Variants in PMM2 observed in about 807,000 individuals in gnomAD.
The protein encoded by PMM2 is phosphomannomutase 2, also known as mannose-6-phosphate isomerase.
In PMM2, 35 loss-of-function variants were observed where a neutral mutation model predicts 33.2. That is an observed-to-expected ratio of 1.06 (90% CI 0.81 to 1.40). The LOEUF is 1.40. Ranked by LOEUF, PMM2 falls within the 40% of genes most tolerant of loss-of-function variation. PMM2 has a pLI of 0.00. For synonymous variants in PMM2, 153 were observed against 114.7 expected, an observed-to-expected ratio of 1.33 and a Z score of -2.13; for missense variants, 386 against 306.0, an observed-to-expected ratio of 1.26 and a Z score of -1.95.
intron 7 of PMM2, among the ~76,000 whole-genome samples, chr16:8,846,408 T>C (rs139318401): frequency 6.6e-6 from 1 of 152,192 alleles, no homozygotes; most frequent in Non-Finnish European, 1.5e-5. Flanking sequence ...TTTAAGGTTT[T>C]GAGTTAGAGT....
intron 7 of PMM2, chr16:8,847,506 TC>T (rs1304546956): frequency 5.3e-6 from 3 of 569,968 alleles, no homozygotes; most frequent in African/African-American, 1.9e-5. Flanking sequence ...AATTACGTGT[TC>T]CAAGCCAAAT....
intron 7 of PMM2, among the ~76,000 whole-genome samples, chr16:8,838,744 G>C (rs1468510411): frequency 6.6e-6 from 1 of 152,008 alleles, no homozygotes; most frequent in African/African-American, 2.4e-5. Context: ...GAATTGGGAG[G>C]ACCTAGGACA....
At chr16:8,821,287 G>A (rs1465498284) in intron 7 of PMM2, among the ~76,000 whole-genome samples, 1 of 152,154 alleles carries the variant, frequency 6.6e-6, no homozygotes, top group Non-Finnish European at 1.5e-5. Flanking sequence ...TGTCCCACCC[G>A]CTCCTGTGTG....
chr16:8,799,447 G>T (rs946720709), intron 1 of PMM2, among the ~76,000 whole-genome samples: 2 of 152,142 alleles, frequency 1.3e-5, no homozygotes, highest in African/African-American at 4.8e-5. Context: ...ATTGGTTCCT[G>T]TCAAGTTTGC....
Position 8,820,846 on chromosome 16 carries a change from A to G in PMM2, c.639+7740A>G, listed in dbSNP as rs2060734969. Reference sequence around the variant, plus strand: ...TCTGTTATTGAGATTTTCCTAAGAGATTGGAGCCTGCCAAGTCCCTCAGTG... The same window carrying G: ...TCTGTTATTGAGATTTTCCTAAGAGGTTGGAGCCTGCCAAGTCCCTCAGTG... On this transcript the variant is annotated intron_variant, in intron 7 of 7. Coordinates refer to ENST00000268261, the MANE Select transcript of PMM2 (RefSeq NM_000303.3). Among the ~76,000 whole-genome samples, 5 of 152,250 alleles carry G rather than the reference A, an allele frequency of 3.3e-5. No homozygotes were observed. In the South Asian group the frequency reaches 1.0e-3, roughly 32 times the overall value.
chr16:8,847,868 T>C lies in PMM2; in HGVS notation c.*43T>C, dbSNP rs1427838160. On this transcript the variant is annotated 3_prime_UTR_variant, in exon 8 of 8. Coordinates refer to ENST00000268261, the MANE Select transcript of PMM2 (RefSeq NM_000303.3). ...CGGGGTCCCGGCTGACAAGCCAGCA[T>C]AGGGCATTCGGTGGCCAGAGCCGAG... The C allele has an allele frequency of 3.4e-6, 5 of 1,477,946 alleles. No homozygotes were observed. The highest frequency in any genetic ancestry group is 2.3e-5 in the South Asian group (2 of 88,322). 91.6% of individuals were successfully genotyped at this position (1,477,946 alleles called of 1,614,324 possible). A position where few individuals can be genotyped will look rare whatever the true frequency, so the allele number is the denominator to read the frequency against.
Position 8,805,022 on chromosome 16 carries a change from T to G in PMM2, c.255+179T>G, listed in dbSNP as rs138904095. Reference sequence around the variant, plus strand: ...CATATTCTACATTGATAACTAAATTTTTATACTTTTTAAATCTAATATTTC... The same window carrying G: ...CATATTCTACATTGATAACTAAATTGTTATACTTTTTAAATCTAATATTTC... On this transcript the variant is annotated intron_variant, in intron 3 of 7. Coordinates refer to ENST00000268261, the MANE Select transcript of PMM2 (RefSeq NM_000303.3). Among the ~76,000 whole-genome samples, 912 of 152,330 alleles carry G rather than the reference T, an allele frequency of 6.0e-3. 5 individuals are homozygous for G. Among genetic ancestry groups the G allele is most frequent in the Middle Eastern group, 0.017 (5 of 294 alleles).
intron 7 of PMM2, among the ~76,000 whole-genome samples, chr16:8,845,795 C>CTTTTTTTTTTTTT (rs5815503): frequency 7.1e-6 from 1 of 140,020 alleles, no homozygotes. Context: ...TGAAAGAAAT[C>CTTTTTTTTTTTTT]TTTTTTTTTT....
At chr16:8,843,851 C>G (rs1428431898) in intron 7 of PMM2, among the ~76,000 whole-genome samples, 2 of 150,224 alleles carry the variant, frequency 1.3e-5, no homozygotes, top group African/African-American at 4.9e-5. Context: ...GAATTGGAAC[C>G]TAGCTCGGCC....
At chr16:8,802,310 G>A (rs768459929) in intron 2 of PMM2, 13 of 455,632 alleles carry the variant, frequency 2.9e-5, no homozygotes, top group Middle Eastern at 3.2e-4. Context: ...ACAGGACCCC[G>A]AAAAACCAGA....
intron 6 of PMM2, 28 bp from the exon 7 acceptor site, chr16:8,812,963 C>A (rs908098821): frequency 5.3e-6 from 7 of 1,314,600 alleles, no homozygotes; most frequent in Admixed American, 5.0e-5. Flanking sequence ...CACCTTTTGC[C>A]TTTGTGTGCC....
At chr16:8,821,958 A>G (rs2060741702) in intron 7 of PMM2, among the ~76,000 whole-genome samples, 1 of 152,222 alleles carries the variant, frequency 6.6e-6, no homozygotes, top group Non-Finnish European at 1.5e-5. Flanking sequence ...TAACTGCCCA[A>G]CAGGTTCTCC....
At chr16:8,832,965 C>CCCTGACCACACCACAGGCT in intron 7 of PMM2, 1 of 963,684 alleles carries the variant, frequency 1.0e-6, no homozygotes, top group Non-Finnish European at 1.2e-6. Flanking sequence ...TGACTGGTCT[C>CCCTGACCACACCACAGGCT]CCCAGGGCAG....
At chr16:8,842,741 T>C (rs1430902627) in intron 7 of PMM2, among the ~76,000 whole-genome samples, 1 of 152,066 alleles carries the variant, frequency 6.6e-6, no homozygotes, top group African/African-American at 2.4e-5. Flanking sequence ...AATGGGGGGA[T>C]TATAAGAAGA....
intron 7 of PMM2, among the ~76,000 whole-genome samples, chr16:8,815,051 C>T (rs2060699275): frequency 6.6e-6 from 1 of 152,070 alleles, no homozygotes; most frequent in African/African-American, 2.4e-5. Context: ...GACTTTAGCA[C>T]CTTTAGATAT....
chr16:8,826,188 C>A (rs2060766908), intron 7 of PMM2, among the ~76,000 whole-genome samples: 1 of 151,606 alleles, frequency 6.6e-6, no homozygotes, highest in Non-Finnish European at 1.5e-5. Flanking sequence ...GAGTTGTTCA[C>A]AAAGTTAATT....
chr16:8,798,211 T>C (rs1414858453), intron 1 of PMM2, among the ~76,000 whole-genome samples: 1 of 152,176 alleles, frequency 6.6e-6, no homozygotes, highest in Middle Eastern at 3.2e-3. Flanking sequence ...GAAAATGTAA[T>C]CTGGACTCAC....
intron 4 of PMM2, chr16:8,808,455 A>C (rs932222383): frequency 3.9e-5 from 6 of 152,126 alleles, no homozygotes; most frequent in African/African-American, 1.4e-4. Flanking sequence ...TAATTCCAGA[A>C]CAGTAGAAGA....
Position 8,836,618 on chromosome 16 carries a change from A to G in PMM2, c.640-11106A>G, listed in dbSNP as rs376757321. 2.1e-4 allele frequency among the ~76,000 whole-genome samples: 32 copies of G among 152,106 alleles called. No homozygotes were observed. In the East Asian group the frequency reaches 5.8e-3, roughly 28 times the overall value. ...TTGCCACTTTTTTCTATTACTGTCC[A>G]CCTTGAAGGTGAGGTTAGTTAAGTC... On this transcript the variant is annotated intron_variant, in intron 7 of 7. Coordinates refer to ENST00000268261, the MANE Select transcript of PMM2 (RefSeq NM_000303.3).
Sources: gnomAD v4.1 joint callset for allele counts (sites outside exome capture counted in the v4.1 genomes callset) on GRCh38, gnomAD v4.1.1 for gene constraint, MANE v1.5 for transcripts, NCBI Gene and HGNC (gene_info 2026-07-23, HGNC 2026-07-21) for gene names.